The following ST8SIA6 variants were observed in gnomAD, a reference collection of about 807,000 sequenced individuals.
The protein encoded by ST8SIA6 is ST8 alpha-N-acetyl-neuraminide alpha-2,8-sialyltransferase 6, also known as alpha-2,8-sialyltransferase 8F.
A neutral mutation model predicts 33.6 loss-of-function variants in ST8SIA6; 39 were observed. The observed-to-expected ratio is 1.16, with a 90% CI of 0.90 to 1.52. The LOEUF (loss-of-function observed/expected upper bound fraction) is 1.52, where lower values mean the gene tolerates loss of function less well. Ranked by LOEUF, ST8SIA6 falls within the 40% of genes most tolerant of loss-of-function variation. The pLI is 0.00. For missense variants in ST8SIA6, 441 were observed against 443.8 expected, an observed-to-expected ratio of 0.99 and a Z score of 0.06; for synonymous variants, 172 against 167.2, an observed-to-expected ratio of 1.03 and a Z score of -0.22.
rs114374233 is a variant in ST8SIA6 at position 17,429,485 on chromosome 10, G to A, written c.200+24074C>T. On this transcript the variant is annotated intron_variant, in intron 2 of 7. Transcript: ENST00000377602. ...ACACAGCTCAGCGGCTGCTTTTCTCGGGAAGCCCTTCCAACTGCCTCTCCT... is the reference window on the plus strand; with the variant it reads ...ACACAGCTCAGCGGCTGCTTTTCTCAGGAAGCCCTTCCAACTGCCTCTCCT... Among the ~76,000 whole-genome samples, 354 of 151,732 alleles carry A rather than the reference G, an allele frequency of 2.3e-3. 2 individuals carry two copies. The highest frequency in any genetic ancestry group is 8.2e-3 in the African/African-American group (340 of 41,366).
At chr10:17,405,333 TG>T (rs1477396010) in intron 2 of ST8SIA6, among the ~76,000 whole-genome samples, 2 of 151,310 alleles carry the variant, frequency 1.3e-5, no homozygotes, top group Non-Finnish European at 2.9e-5. Context: ...ATCACACCAC[TG>T]AAATCCTGGG....
chr10:17,421,347 T>G (rs551113867), intron 2 of ST8SIA6, among the ~76,000 whole-genome samples: 2 of 152,256 alleles, frequency 1.3e-5, no homozygotes, highest in South Asian at 4.1e-4. Context: ...TCCTAATAAG[T>G]GTCCTATATA....
chr10:17,405,554 A>G (rs933563108), intron 2 of ST8SIA6, among the ~76,000 whole-genome samples: 16 of 148,842 alleles, frequency 1.1e-4, no homozygotes, highest in East Asian at 3.9e-4. Context: ...CAATCACTCA[A>G]ATTCCTGCTC....
At chr10:17,377,141 C>T (rs950835566) in intron 3 of ST8SIA6, among the ~76,000 whole-genome samples, 1 of 152,098 alleles carries the variant, frequency 6.6e-6, no homozygotes, top group African/African-American at 2.4e-5. Flanking sequence ...ACCAGTTGAC[C>T]TTGTGACATT....
chr10:17,324,864 T>C (rs1848071958), intron 6 of ST8SIA6, among the ~76,000 whole-genome samples: 1 of 146,728 alleles, frequency 6.8e-6, no homozygotes, highest in South Asian at 2.1e-4. Flanking sequence ...TATTATATAA[T>C]ATGCATATAT....
intron 2 of ST8SIA6, among the ~76,000 whole-genome samples, chr10:17,449,104 T>A (rs574322292): frequency 2.0e-5 from 3 of 150,558 alleles, no homozygotes; most frequent in Middle Eastern, 3.5e-3. Flanking sequence ...ATATAGAAAC[T>A]GAAGAAATGA....
chr10:17,321,351 C>A lies in ST8SIA6; in HGVS notation c.729-5G>T, dbSNP rs753972186. 4 of 1,569,288 alleles carry A rather than the reference C, an allele frequency of 2.5e-6. No individual in the cohort carries two copies. Among genetic ancestry groups the A allele is most frequent in the Admixed American group, 4.2e-5 (2 of 48,058 alleles). ...TTTTCCTTTAAGTTCCCATATCTGC[C>A]AAATTAAAAAAAAATTATAGTAATC... is the stretch of plus-strand genomic sequence containing the variant. On this transcript the variant is annotated splice_polypyrimidine_tract_variant and splice_region_variant and intron_variant, in intron 7 of 7. Transcript: ENST00000377602.
intron 2 of ST8SIA6, among the ~76,000 whole-genome samples, chr10:17,449,879 T>C (rs377191353): frequency 5.5e-4 from 83 of 152,154 alleles, no homozygotes; most frequent in African/African-American, 2.0e-3. Context: ...ACAAGAGTAA[T>C]AACAAGGACA....
chr10:17,333,712 TATA>T (rs1848401922), intron 4 of ST8SIA6, among the ~76,000 whole-genome samples: 4 of 38,182 alleles, frequency 1.0e-4, no homozygotes, highest in East Asian at 1.9e-3. Flanking sequence ...TATATATATA[TATA>T]TATTTTTTTT....
rs1848381823 is a variant in ST8SIA6, at chr10:17,333,690, TATATATATATATATATA to T, written c.378-2155_378-2139del. Among the ~76,000 whole-genome samples the T allele has an allele frequency of 1.9e-3, 74 of 39,164 alleles. 11 individuals are homozygous for T. The highest frequency in any genetic ancestry group is 4.3e-3 in the East Asian group (8 of 1,840). 25.7% of individuals were successfully genotyped at this position (39,164 alleles called of 152,430 possible). ...GTGCTGGGATATATATATATATATA[TATATATATATATATATA>T]TATATATATATTTTTTTTTTTTTTT... is the stretch of plus-strand genomic sequence containing the variant. On this transcript the variant is annotated intron_variant, in intron 4 of 7. Coordinates refer to ENST00000377602, the MANE Select transcript of ST8SIA6 (RefSeq NM_001004470.3).
Position 17,359,613 on chromosome 10 carries a change from T to G in ST8SIA6, c.291-13A>C, listed in dbSNP as rs757770560. 7.8e-6 allele frequency: 12 copies of G among 1,529,786 alleles called. No homozygotes were observed. In the South Asian group the frequency reaches 8.4e-5, roughly 11 times the overall value. 94.8% of individuals were successfully genotyped at this position (1,529,786 alleles called of 1,614,324 possible). A position where few individuals can be genotyped will look rare whatever the true frequency, so the allele number is the denominator to read the frequency against. ...GTTCTCTGAATACCTAAAAATTAAATGTCAATATAATTAGAAAATAATGAT... is the reference window on the plus strand; with the variant it reads ...GTTCTCTGAATACCTAAAAATTAAAGGTCAATATAATTAGAAAATAATGAT... On this transcript the variant is annotated splice_polypyrimidine_tract_variant and intron_variant, in intron 3 of 7. Transcript: ENST00000377602.
rs1380626806 is a variant in ST8SIA6 at position 17,318,115 on chromosome 10, G to T, written c.*2763C>A. ...GTTATTCTGTTTCATTGCTCAATGAGGCTGAACAACAAGTGGAAAATAGAA... is the reference window on the plus strand; with the variant it reads ...GTTATTCTGTTTCATTGCTCAATGATGCTGAACAACAAGTGGAAAATAGAA... On this transcript the variant is annotated 3_prime_UTR_variant, in exon 8 of 8. Transcript: ENST00000377602. Among the ~76,000 whole-genome samples the T allele has an allele frequency of 6.6e-6, 1 of 152,166 alleles. No individual in the cohort carries two copies. Among genetic ancestry groups the T allele is most frequent in the Non-Finnish European group, 1.5e-5 (1 of 68,034 alleles).
chr10:17,399,917 CAAAA>C (rs61580333), intron 2 of ST8SIA6, among the ~76,000 whole-genome samples: 158 of 111,076 alleles, frequency 1.4e-3, no homozygotes, highest in Admixed American at 2.2e-3. Flanking sequence ...GATTCTGTCT[CAAAA>C]AAAAAAAAAA....
At chr10:17,338,723 C>T (rs1029315663) in intron 4 of ST8SIA6, among the ~76,000 whole-genome samples, 4 of 152,244 alleles carry the variant, frequency 2.6e-5, no homozygotes, top group Non-Finnish European at 5.9e-5. Context: ...TCAGGTGACC[C>T]GAACAATGCA....
chr10:17,405,059 A>G (rs1166540114), intron 2 of ST8SIA6, among the ~76,000 whole-genome samples: 3 of 152,232 alleles, frequency 2.0e-5, no homozygotes, highest in South Asian at 4.1e-4. Flanking sequence ...TGATCTATAC[A>G]TGTAAATGTA....
chr10:17,386,922 T>G (rs1219530537), intron 3 of ST8SIA6: 1 of 152,264 alleles, frequency 6.6e-6, no homozygotes, highest in Non-Finnish European at 1.5e-5. Flanking sequence ...GCCTTGCGCC[T>G]TGGGACTGGG....
chr10:17,394,935 C>T (rs1034163111), intron 2 of ST8SIA6, among the ~76,000 whole-genome samples: 8 of 152,154 alleles, frequency 5.3e-5, no homozygotes, highest in African/African-American at 1.7e-4. Context: ...GCAAGACAAG[C>T]GTGGGCTGAT....
chr10:17,397,677 AT>A (rs1292572304), intron 2 of ST8SIA6, among the ~76,000 whole-genome samples: 2 of 152,124 alleles, frequency 1.3e-5, no homozygotes, highest in Non-Finnish European at 2.9e-5. Context: ...TTAACCATTA[AT>A]TGGTACACAT....
At chr10:17,368,407 CAAAAAAA>C (rs200826980) in intron 3 of ST8SIA6, among the ~76,000 whole-genome samples, 8 of 72,196 alleles carry the variant, frequency 1.1e-4, no homozygotes, top group Admixed American at 3.9e-4. Context: ...AGCTCTGTCT[CAAAAAAA>C]AAAAAAAAAA....
Sources: gnomAD v4.1 joint callset for allele counts (sites outside exome capture counted in the v4.1 genomes callset) on GRCh38, gnomAD v4.1.1 for gene constraint, MANE v1.5 for transcripts, NCBI Gene and HGNC (gene_info 2026-07-23, HGNC 2026-07-21) for gene names.